Variants in BCAR3 observed in about 807,000 individuals in gnomAD.
BCAR3 encodes the protein breast cancer anti-estrogen resistance protein 3.
BCAR3 carries 37 observed loss-of-function variants against 80.1 expected under a neutral mutation model. The ratio of observed to expected loss-of-function variants is 0.46; its 90% confidence interval spans 0.36 to 0.61. BCAR3 has a LOEUF of 0.61. Ranked by LOEUF, BCAR3 falls within the 20% of genes least tolerant of loss-of-function variation. BCAR3 has a pLI of 0.00. For synonymous variants in BCAR3, 389 were observed against 418.9 expected, an observed-to-expected ratio of 0.93 and a Z score of 0.87; for missense variants, 978 against 1,068.2, an observed-to-expected ratio of 0.92 and a Z score of 1.18.
At chr1:93,614,535 C>T (rs1675048176) in intron 3 of BCAR3, among the ~76,000 whole-genome samples, 1 of 152,092 alleles carries the variant, frequency 6.6e-6, no homozygotes, top group African/African-American at 2.4e-5. Context: ...GGATCCCTGT[C>T]CTCACTCTCC....
intron 2 of BCAR3, among the ~76,000 whole-genome samples, chr1:93,810,334 A>C (rs1267194804): frequency 1.3e-5 from 2 of 152,258 alleles, no homozygotes; most frequent in East Asian, 1.9e-4. Context: ...CACACACACA[A>C]AAAGACTTTT....
intron 3 of BCAR3, among the ~76,000 whole-genome samples, chr1:93,603,390 A>T (rs1041595669): frequency 1.3e-5 from 2 of 152,184 alleles, no homozygotes; most frequent in Non-Finnish European, 2.9e-5. Context: ...AAGTGTCCTG[A>T]GGAAAGGGTG....
chr1:93,846,973 CG>C, intron 1 of BCAR3: 1 of 226,976 alleles, frequency 4.4e-6, no homozygotes, highest in Non-Finnish European at 8.5e-6. Context: ...ACAGACGTCG[CG>C]CGGCGGCGCT....
chr1:93,585,058 C>T, intron 5 of BCAR3: 1 of 985,456 alleles, frequency 1.0e-6, no homozygotes, highest in Non-Finnish European at 1.2e-6. Context: ...GAAGATAAGA[C>T]AAGACCGAGG....
intron 2 of BCAR3, among the ~76,000 whole-genome samples, chr1:93,837,709 G>A (rs1452798426): frequency 5.3e-5 from 8 of 152,154 alleles, no homozygotes; most frequent in African/African-American, 1.9e-4. Flanking sequence ...ATCAGGTTGG[G>A]TTGTAAACAT....
At position 93,610,128 on chromosome 1, in the gene BCAR3, C is replaced by T. The variant is rs186468689; in HGVS notation, c.358-17735G>A. Reference sequence around the variant, plus strand: ...ACCGACACATCCGAGGTACCACAACCGGTGACTGCTGAGCTGAACTAAGGA... The same window carrying T: ...ACCGACACATCCGAGGTACCACAACTGGTGACTGCTGAGCTGAACTAAGGA... On this transcript the variant is annotated intron_variant, in intron 3 of 11. Transcript: ENST00000260502. 1.6e-3 allele frequency among the ~76,000 whole-genome samples: 250 copies of T among 152,362 alleles called. No homozygotes were observed. In the Middle Eastern group the frequency reaches 0.017, roughly 10 times the overall value.
chr1:93,672,662 C>T lies in BCAR3; in HGVS notation c.317+1952G>A, dbSNP rs565902546. On this transcript the variant is annotated intron_variant, in intron 2 of 11. Transcript: ENST00000260502. ...GTATGCACCTCCATGTTCACCCATTCCAGCAGTGGCTGCCTGCCAACTTTC... is the reference window on the plus strand; with the variant it reads ...GTATGCACCTCCATGTTCACCCATTTCAGCAGTGGCTGCCTGCCAACTTTC... Among the ~76,000 whole-genome samples the T allele has an allele frequency of 7.9e-5, 12 of 152,320 alleles. No individual in the cohort carries two copies. The East Asian group carries it at 1.5e-3, about 20-fold the overall frequency.
At chr1:93,670,957 G>C (rs1264463350) in intron 2 of BCAR3, among the ~76,000 whole-genome samples, 1 of 151,992 alleles carries the variant, frequency 6.6e-6, no homozygotes, top group African/African-American at 2.4e-5. Flanking sequence ...CCTCCGAGAG[G>C]ATGTATTTTC....
intron 2 of BCAR3, among the ~76,000 whole-genome samples, chr1:93,819,408 G>A (rs1013781815): frequency 1.3e-5 from 2 of 152,144 alleles, no homozygotes; most frequent in Admixed American, 1.3e-4. Context: ...TTGATACTTC[G>A]GGAGCACCTT....
At chr1:93,625,013 AT>A (rs2101893667) in intron 3 of BCAR3, among the ~76,000 whole-genome samples, 1 of 152,310 alleles carries the variant, frequency 6.6e-6, no homozygotes. Flanking sequence ...GATCAAGACC[AT>A]CCTCACTAAC....
At chr1:93,782,984 A>G (rs527574955) in intron 2 of BCAR3, among the ~76,000 whole-genome samples, 1 of 152,326 alleles carries the variant, frequency 6.6e-6, no homozygotes, top group East Asian at 1.9e-4. Flanking sequence ...TTACTCTATA[A>G]AAATGGACAA....
rs1169951754 is a variant in BCAR3 at position 93,582,757 on chromosome 1, C to T, written c.1230G>A (p.Val410=). 1.9e-6 allele frequency: 3 copies of T among 1,613,994 alleles called. No homozygotes were observed. Among genetic ancestry groups the T allele is most frequent in the Non-Finnish European group, 2.5e-6 (3 of 1,180,034 alleles). The change falls in exon 7 of 12, where the codon GTG becomes GTA. Residue 410 remains valine, a synonymous_variant. Transcript: ENST00000260502. ...GAGACGAGGGAACCTTGAGGAACGG[C>T]ACCTTGCAGGGCTTAGGCGGGGGCT... The part of the protein sequence containing the change: ...CPKPPPKPCK[V]PFLKVPSSPS...
At chr1:93,594,028 T>G (rs1250766037) in intron 3 of BCAR3, among the ~76,000 whole-genome samples, 1 of 152,222 alleles carries the variant, frequency 6.6e-6, no homozygotes. Context: ...GCTCCCATCA[T>G]TAATATTGTA....
intron 5 of BCAR3, among the ~76,000 whole-genome samples, chr1:93,585,655 A>C (rs1216935962): frequency 3.3e-5 from 5 of 152,180 alleles, no homozygotes; most frequent in Non-Finnish European, 5.9e-5. Context: ...CTAACACTGT[A>C]AGGCATCTCA....
At chr1:93,843,593 G>A (rs1477759273) in intron 2 of BCAR3, among the ~76,000 whole-genome samples, 1 of 152,108 alleles carries the variant, frequency 6.6e-6, no homozygotes, top group Non-Finnish European at 1.5e-5. Context: ...GTTTTTGTTT[G>A]TTTGTTTTTT....
intron 3 of BCAR3, among the ~76,000 whole-genome samples, chr1:93,639,868 G>A (rs1204243324): frequency 1.3e-5 from 2 of 152,022 alleles, no homozygotes; most frequent in East Asian, 1.9e-4. Flanking sequence ...GCCACAACTG[G>A]GTGCTTCCCC....
Position 93,796,522 on chromosome 1 carries a change from G to A in BCAR3, c.-63+49045C>T, listed in dbSNP as rs1021842924. Reference sequence around the variant, plus strand: ...CCTCCCCCTGCTTCGGCTCGCGCACGGTGCGCGCACACACTGGCCTGCGCC... The same window carrying A: ...CCTCCCCCTGCTTCGGCTCGCGCACAGTGCGCGCACACACTGGCCTGCGCC... On this transcript the variant is annotated intron_variant, in intron 2 of 13. Transcript: ENST00000370244. 4.0e-5 allele frequency among the ~76,000 whole-genome samples: 6 copies of A among 150,422 alleles called. No individual in the cohort carries two copies. The East Asian group carries it at 7.9e-4, about 20-fold the overall frequency.
At chr1:93,579,777 T>C (rs2101824939) in intron 7 of BCAR3, among the ~76,000 whole-genome samples, 1 of 152,330 alleles carries the variant, frequency 6.6e-6, no homozygotes, top group African/African-American at 2.4e-5. Context: ...GCTTCCTCTA[T>C]GGAGAACCCA....
intron 2 of BCAR3, among the ~76,000 whole-genome samples, chr1:93,844,549 A>AG (rs1219396962): frequency 2.0e-5 from 3 of 152,212 alleles, no homozygotes; most frequent in Admixed American, 2.0e-4. Flanking sequence ...AGATTAGATA[A>AG]GGGGAAGACA....
Sources: gnomAD v4.1 joint callset for allele counts (sites outside exome capture counted in the v4.1 genomes callset) on GRCh38, gnomAD v4.1.1 for gene constraint, MANE v1.5 for transcripts, NCBI Gene and HGNC (gene_info 2026-07-23, HGNC 2026-07-21) for gene names.